ANGPT1: variants seen among roughly 807,000 people sequenced by gnomAD.
ANGPT1 encodes the protein angiopoietin 1.
ANGPT1 carries 17 observed loss-of-function variants against 62.2 expected under a neutral mutation model. The observed-to-expected ratio is 0.27, with a 90% CI of 0.19 to 0.41. ANGPT1 has a LOEUF of 0.41. Among genes scored for constraint, ANGPT1 ranks in the 10% least tolerant of loss-of-function variants. ANGPT1 has a pLI of 1.00. For synonymous variants in ANGPT1, 199 were observed against 198.9 expected (o/e 1.00, Z 0.00); for missense variants, 478 against 594.9 (o/e 0.80, Z 2.04).
chr8:107,472,775 A>G (rs1812396823), intron 1 of ANGPT1, among the ~76,000 whole-genome samples: 2 of 152,096 alleles, frequency 1.3e-5, no homozygotes, highest in African/African-American at 4.8e-5. Flanking sequence ...TCACACATAC[A>G]CACACTCACA....
intron 8 of ANGPT1, among the ~76,000 whole-genome samples, chr8:107,260,930 T>C (rs992907397): frequency 2.6e-5 from 4 of 152,194 alleles, no homozygotes; most frequent in African/African-American, 9.6e-5. Context: ...AGTTTTCTCA[T>C]TGAAAACCAA....
intron 1 of ANGPT1, among the ~76,000 whole-genome samples, chr8:107,434,724 C>T (rs1241082111): frequency 1.3e-5 from 2 of 152,190 alleles, no homozygotes; most frequent in Non-Finnish European, 2.9e-5. Context: ...AAGACTGTCT[C>T]ATGGCTTCTA....
At chr8:107,276,160 G>A (rs1375087010) in intron 7 of ANGPT1, among the ~76,000 whole-genome samples, 1 of 152,040 alleles carries the variant, frequency 6.6e-6, no homozygotes, top group Non-Finnish European at 1.5e-5. Flanking sequence ...AAATTTTGAT[G>A]ATTAAAACAA....
chr8:107,296,195 A>G (rs775046875), intron 5 of ANGPT1, among the ~76,000 whole-genome samples: 7 of 152,132 alleles, frequency 4.6e-5, no homozygotes, highest in Non-Finnish European at 8.8e-5. Context: ...GCAGGGAGTG[A>G]GAAGGGTCAA....
At chr8:107,365,223 C>A (rs1193720642) in intron 1 of ANGPT1, among the ~76,000 whole-genome samples, 1 of 152,024 alleles carries the variant, frequency 6.6e-6, no homozygotes, top group Non-Finnish European at 1.5e-5. Context: ...TAAGACAAGG[C>A]AAATATGACA....
chr8:107,314,414 G>C (rs1814963191), intron 4 of ANGPT1, among the ~76,000 whole-genome samples: 1 of 152,146 alleles, frequency 6.6e-6, no homozygotes. Context: ...TCATGGGAGA[G>C]GTCAAGGACT....
intron 1 of ANGPT1, among the ~76,000 whole-genome samples, chr8:107,415,557 A>T (rs140173563): frequency 6.6e-6 from 1 of 152,170 alleles, no homozygotes; most frequent in East Asian, 1.9e-4. Context: ...GATATCAAGT[A>T]TCTCTTATAT....
At position 107,354,723 on chromosome 8, in the gene ANGPT1, G is replaced by A. The variant is rs114533951; in HGVS notation, c.298-7626C>T. Among the ~76,000 whole-genome samples, 587 of 152,106 alleles carry A rather than the reference G, an allele frequency of 3.9e-3. 6 individuals carry two copies. Among genetic ancestry groups the A allele is most frequent in the African/African-American group, 0.014 (565 of 41,488 alleles). ...GATAAAGAGCTAGAATCTCTGAATC[G>A]CTTAATCCCCAGGCACCATTCTGTC... On this transcript the variant is annotated intron_variant, in intron 1 of 8. Coordinates refer to ENST00000517746, the MANE Select transcript of ANGPT1 (RefSeq NM_001146.5).
chr8:107,324,794 C>T (rs1365497445), intron 3 of ANGPT1, among the ~76,000 whole-genome samples: 1 of 152,140 alleles, frequency 6.6e-6, no homozygotes, highest in African/African-American at 2.4e-5. Context: ...AAGAAAGTTT[C>T]TCATTGAGAC....
At chr8:107,336,450 G>A in intron 2 of ANGPT1, 179 bp from the exon 3 acceptor site, 3 of 925,692 alleles carry the variant, frequency 3.2e-6, no homozygotes, top group Non-Finnish European at 4.2e-6. Context: ...TGGATCACGA[G>A]GTCAAGAGAT....
chr8:107,494,961 T>C (rs1813055495), intron 1 of ANGPT1: 1 of 152,186 alleles, frequency 6.6e-6, no homozygotes, highest in Non-Finnish European at 1.5e-5. Flanking sequence ...TGCTTCTTCC[T>C]ATGGCAACTA....
intron 6 of ANGPT1, 145 bp downstream of exon 6, chr8:107,293,791 G>T (rs1814341873): frequency 1.7e-6 from 1 of 589,938 alleles, no homozygotes. Context: ...TGAGTGTTTT[G>T]TGTCTAATGA....
chr8:107,327,941 A>G (rs917962941), intron 3 of ANGPT1, among the ~76,000 whole-genome samples: 1 of 152,114 alleles, frequency 6.6e-6, no homozygotes, highest in Non-Finnish European at 1.5e-5. Flanking sequence ...CCAACATCTT[A>G]TTGGAAATAT....
intron 8 of ANGPT1, among the ~76,000 whole-genome samples, chr8:107,254,886 G>A (rs1010596336): frequency 6.6e-6 from 1 of 151,958 alleles, no homozygotes. Context: ...CGAACCAGAA[G>A]AACCAGATCT....
chr8:107,479,167 A>G lies in ANGPT1; in HGVS notation c.297+18095T>C, dbSNP rs560269963. Among the ~76,000 whole-genome samples the G allele has an allele frequency of 5.9e-5, 9 of 151,834 alleles. No homozygotes were observed. In the South Asian group the frequency reaches 1.9e-3, roughly 32 times the overall value. On this transcript the variant is annotated intron_variant, in intron 1 of 8. Coordinates refer to ENST00000517746, the MANE Select transcript of ANGPT1 (RefSeq NM_001146.5). Reference sequence around the variant, plus strand: ...TTTTTTTTTGTTTTGGGGATTAGAGATCATGTGTGCAAGGTATTGAAACAA... The same window carrying G: ...TTTTTTTTTGTTTTGGGGATTAGAGGTCATGTGTGCAAGGTATTGAAACAA...
intron 7 of ANGPT1, among the ~76,000 whole-genome samples, chr8:107,272,631 G>A (rs547028027): frequency 1.3e-5 from 2 of 151,770 alleles, no homozygotes; most frequent in East Asian, 3.9e-4. Context: ...CAAAACTCAT[G>A]ATAAATTTTT....
chr8:107,355,529 G>A (rs538034644), intron 1 of ANGPT1, among the ~76,000 whole-genome samples: 6 of 101,256 alleles, frequency 5.9e-5, no homozygotes, highest in South Asian at 3.1e-4. Flanking sequence ...TCTGGACCCC[G>A]ACCCTCCCAC....
intron 1 of ANGPT1, among the ~76,000 whole-genome samples, chr8:107,390,965 T>G (rs1816823379): frequency 1.3e-5 from 2 of 152,170 alleles, no homozygotes; most frequent in African/African-American, 4.8e-5. Context: ...AATAACTCCA[T>G]TATTAAAACT....
At chr8:107,446,010 C>T (rs542167059) in intron 1 of ANGPT1, among the ~76,000 whole-genome samples, 7 of 152,210 alleles carry the variant, frequency 4.6e-5, no homozygotes, top group South Asian at 4.1e-4. Flanking sequence ...CTCTGCCTCC[C>T]GGGGTCAAGC....
Sources: allele counts gnomAD v4.1 joint callset (sites outside exome capture counted in the v4.1 genomes callset), GRCh38; gene constraint gnomAD v4.1.1; transcripts MANE v1.5; gene names NCBI Gene and HGNC (gene_info 2026-07-23, HGNC 2026-07-21).